The following ZFHX3 variants were observed in gnomAD, a reference collection of about 807,000 sequenced individuals.
ZFHX3 encodes zinc finger homeobox 3, also known as zinc finger homeobox protein 3.
Under a neutral mutation model 279.1 loss-of-function variants are expected in ZFHX3, and 42 were observed. That is an observed-to-expected ratio of 0.15 (90% CI 0.12 to 0.19). The LOEUF (loss-of-function observed/expected upper bound fraction) is 0.19, where lower values mean the gene tolerates loss of function less well. Among genes scored for constraint, ZFHX3 ranks in the 10% least tolerant of loss-of-function variants. The probability of loss-of-function intolerance (pLI) is 1.00; values close to 1 mark genes in which losing one functional copy is unlikely to be tolerated. For synonymous variants in ZFHX3, 2,293 were observed against 1,957.8 expected (o/e 1.17, Z -4.52); for missense variants, 4,981 against 4,754.0 (o/e 1.05, Z -1.40).
chr16:73,045,151 C>G (rs952501094), intron 1 of ZFHX3, among the ~76,000 whole-genome samples: 4 of 152,112 alleles, frequency 2.6e-5, no homozygotes, highest in African/African-American at 9.7e-5. Flanking sequence ...AAGCTCCTAC[C>G]CCTGAAAGAT....
intron 3 of ZFHX3, among the ~76,000 whole-genome samples, chr16:73,446,161 T>A (rs994958990): frequency 3.9e-5 from 6 of 152,132 alleles, no homozygotes; most frequent in South Asian, 2.1e-4. Flanking sequence ...GAGGGGGAAA[T>A]GGTGGAGTAC....
chr16:73,110,359 T>C (rs562835850), intron 7 of ZFHX3, among the ~76,000 whole-genome samples: 5 of 152,336 alleles, frequency 3.3e-5, no homozygotes, highest in African/African-American at 1.2e-4. Flanking sequence ...TGCCCTTTCC[T>C]TGGTCCTTGG....
chr16:73,672,097 G>T (rs1333984075), intron 2 of ZFHX3, among the ~76,000 whole-genome samples: 1 of 151,914 alleles, frequency 6.6e-6, no homozygotes, highest in Non-Finnish European at 1.5e-5. Flanking sequence ...AAAAATCAAT[G>T]ATAGTTTAAG....
At chr16:73,217,823 G>T (rs529635799) in intron 5 of ZFHX3, among the ~76,000 whole-genome samples, 110 of 151,958 alleles carry the variant, frequency 7.2e-4, no homozygotes, top group Non-Finnish European at 1.1e-3. Context: ...ACATTTTGGG[G>T]CTCCAAGGCG....
chr16:73,464,172 G>T (rs928829724), intron 2 of ZFHX3, among the ~76,000 whole-genome samples: 2 of 152,200 alleles, frequency 1.3e-5, no homozygotes, highest in South Asian at 4.2e-4. Flanking sequence ...ATTAAAGGGA[G>T]AGAGAAAGGG....
chr16:72,787,724 CGCCGCCGCCGCCACT>C lies in ZFHX3; in HGVS notation c.10537_10551del (p.Ser3513_Gly3517del), dbSNP rs761275974. On this transcript the variant is annotated inframe_deletion, in exon 10 of 10. Transcript: ENST00000268489. Reference sequence around the variant, plus strand: ...CCGCCGCCGCCGCCGCCGCCACCGCCGCCGCCGCCGCCACTGCCACCGCCGCCGCCGCCGGTGGGG... The same window carrying C: ...CCGCCGCCGCCGCCGCCGCCACCGCCGCCACCGCCGCCGCCGCCGGTGGGG... 25 of 1,394,236 alleles carry C rather than the reference CGCCGCCGCCGCCACT, an allele frequency of 1.8e-5. 2 individuals are homozygous for C. The South Asian group carries it at 4.5e-4, about 25-fold the overall frequency. 86.4% of individuals were successfully genotyped at this position (1,394,236 alleles called of 1,614,324 possible).
chr16:72,826,210 A>C (rs1448359654), intron 5 of ZFHX3, among the ~76,000 whole-genome samples: 1 of 152,216 alleles, frequency 6.6e-6, no homozygotes. Flanking sequence ...AGGAACCCCC[A>C]AAAAGGAAAC....
chr16:73,236,228 G>C, intron 5 of ZFHX3, among the ~76,000 whole-genome samples: 1 of 152,242 alleles, frequency 6.6e-6, no homozygotes, highest in South Asian at 2.1e-4. Context: ...GGAAGGGAAT[G>C]GATGTCAGTG....
At chr16:73,804,927 A>C (rs1597123269) in intron 1 of ZFHX3, among the ~76,000 whole-genome samples, 1 of 54,950 alleles carries the variant, frequency 1.8e-5, no homozygotes, top group Non-Finnish European at 3.6e-5. Context: ...AGGGAGAGGG[A>C]GGGAGGGAGA....
chr16:73,706,391 G>A (rs530098313), intron 1 of ZFHX3, among the ~76,000 whole-genome samples: 71 of 150,272 alleles, frequency 4.7e-4, no homozygotes, highest in African/African-American at 1.7e-3. Context: ...GAACTTGAAA[G>A]GTTGCAGCGA....
At chr16:73,182,759 A>G (rs950427615) in intron 5 of ZFHX3, among the ~76,000 whole-genome samples, 5 of 152,218 alleles carry the variant, frequency 3.3e-5, no homozygotes, top group African/African-American at 9.6e-5. Context: ...ACTAGAGGCC[A>G]TTATCCTAAC....
At chr16:73,611,707 T>G (rs1035730987) in intron 2 of ZFHX3, among the ~76,000 whole-genome samples, 7 of 152,224 alleles carry the variant, frequency 4.6e-5, no homozygotes, top group Non-Finnish European at 1.0e-4. Context: ...TCATTTAAGC[T>G]GCCATTCTAA....
chr16:73,353,582 C>G (rs1199913422), intron 3 of ZFHX3, among the ~76,000 whole-genome samples: 6 of 152,188 alleles, frequency 3.9e-5, no homozygotes, highest in Non-Finnish European at 7.3e-5. Flanking sequence ...GGTTAAAGAG[C>G]ATGGCTGAGA....
Position 73,176,640 on chromosome 16 carries a change from G to A in ZFHX3, c.-1103-32809C>T, listed in dbSNP as rs1309003587. Among the ~76,000 whole-genome samples the A allele has an allele frequency of 5.9e-5, 8 of 136,582 alleles. No individual in the cohort carries two copies. The Admixed American group carries it at 6.1e-4, about 10-fold the overall frequency. The allele number at this position is 136,582 out of a possible 152,430, so 89.6% of individuals were successfully genotyped here. A position where few individuals can be genotyped will look rare whatever the true frequency, so the allele number is the denominator to read the frequency against. On this transcript the variant is annotated intron_variant, in intron 5 of 17. Coordinates refer to the ZFHX3 transcript ENST00000641206. ...TTTTTTTTTTTCCTTAAACCTCCAT[G>A]CACTTTGCTAATTACTTCTCTGGAA...
At chr16:72,987,546 T>C (rs1446915870) in intron 1 of ZFHX3, among the ~76,000 whole-genome samples, 1 of 152,206 alleles carries the variant, frequency 6.6e-6, no homozygotes, top group African/African-American at 2.4e-5. Context: ...CCCCACACTG[T>C]GCCTGTGTAC....
At chr16:73,543,439 T>C (rs895175474) in intron 2 of ZFHX3, among the ~76,000 whole-genome samples, 1 of 152,144 alleles carries the variant, frequency 6.6e-6, no homozygotes, top group African/African-American at 2.4e-5. Context: ...CCTTGTGACC[T>C]GGAGGAAGCC....
intron 3 of ZFHX3, among the ~76,000 whole-genome samples, chr16:73,358,576 T>C (rs1243557513): frequency 1.3e-5 from 2 of 152,222 alleles, no homozygotes; most frequent in Non-Finnish European, 2.9e-5. Context: ...ATTCCTGCCC[T>C]GTAGAAGCTA....
chr16:73,369,856 CTCTG>C (rs1325070533), intron 3 of ZFHX3, among the ~76,000 whole-genome samples: 1 of 80,852 alleles, frequency 1.2e-5, no homozygotes, highest in Non-Finnish European at 3.3e-5. Flanking sequence ...CTCTCTCTCT[CTCTG>C]TCTCTCAACT....
chr16:73,526,237 T>C (rs1397760084), intron 2 of ZFHX3, among the ~76,000 whole-genome samples: 3 of 152,230 alleles, frequency 2.0e-5, no homozygotes, highest in African/African-American at 4.8e-5. Context: ...CATGGGCTGA[T>C]ATATTCTTTC....
Sources: gnomAD v4.1 joint callset for allele counts (sites outside exome capture counted in the v4.1 genomes callset) on GRCh38, gnomAD v4.1.1 for gene constraint, MANE v1.5 for transcripts, NCBI Gene and HGNC (gene_info 2026-07-23, HGNC 2026-07-21) for gene names.